FAM13A: variants seen among roughly 807,000 people sequenced by gnomAD.
FAM13A encodes the protein family with sequence similarity 13 member A.
Under a neutral mutation model 129.6 loss-of-function variants are expected in FAM13A, and 76 were observed. That is an observed-to-expected ratio of 0.59 (90% CI 0.49 to 0.71). FAM13A has a LOEUF of 0.71. Ranked by LOEUF, FAM13A falls within the 30% of genes least tolerant of loss-of-function variation. The probability of loss-of-function intolerance (pLI) is 0.00; values close to 1 mark genes in which losing one functional copy is unlikely to be tolerated. For synonymous variants in FAM13A, 443 were observed against 449.9 expected (o/e 0.98, Z 0.20); for missense variants, 1,108 against 1,249.3 (o/e 0.89, Z 1.70).
chr4:89,022,321 C>A (rs1393439209), intron 2 of FAM13A, among the ~76,000 whole-genome samples: 1 of 151,888 alleles, frequency 6.6e-6, no homozygotes, highest in Non-Finnish European at 1.5e-5. Flanking sequence ...AAAAATCAAT[C>A]CTGAGAAAAA....
At chr4:88,909,635 C>T (rs1748728154) in intron 5 of FAM13A, among the ~76,000 whole-genome samples, 1 of 152,030 alleles carries the variant, frequency 6.6e-6, no homozygotes, top group Non-Finnish European at 1.5e-5. Context: ...TACAGGTGTG[C>T]ACCACCATGC....
At chr4:88,790,141 C>T (rs964845622) in intron 9 of FAM13A, among the ~76,000 whole-genome samples, 3 of 152,084 alleles carry the variant, frequency 2.0e-5, no homozygotes, top group South Asian at 4.1e-4. Context: ...GGGCCCAAGG[C>T]GTCCTTGACA....
intron 8 of FAM13A, among the ~76,000 whole-genome samples, chr4:88,791,917 C>T (rs572761255): frequency 6.6e-6 from 1 of 152,106 alleles, no homozygotes; most frequent in Admixed American, 6.6e-5. Flanking sequence ...TACTCATTAT[C>T]CCAGAGGTGA....
intron 5 of FAM13A, 79 bp downstream of exon 5, chr4:88,938,009 A>C (rs777267856): frequency 3.5e-6 from 4 of 1,128,360 alleles, no homozygotes; most frequent in Non-Finnish European, 5.3e-6. Context: ...TCCATATGGA[A>C]TTTTTATGAG....
intron 14 of FAM13A, among the ~76,000 whole-genome samples, chr4:88,754,141 G>A (rs1743173964): frequency 6.6e-6 from 1 of 152,152 alleles, no homozygotes; most frequent in Non-Finnish European, 1.5e-5. Flanking sequence ...TTAGACATGT[G>A]TCTTGTCACA....
chr4:88,862,834 C>T (rs1006605116), intron 6 of FAM13A, among the ~76,000 whole-genome samples: 18 of 151,532 alleles, frequency 1.2e-4, no homozygotes, highest in Admixed American at 1.2e-3. Flanking sequence ...TGGGTAGATC[C>T]ATGAGTTGCT....
At position 88,742,835 on chromosome 4, in the gene FAM13A, T is replaced by C. The variant is rs555365091; in HGVS notation, c.2467-3710A>G. ...GGGCTCTGAATGAGCTACACTGATC[T>C]TCTCTCAGCCTCAGTTTCCTGAATG... On this transcript the variant is annotated intron_variant, in intron 19 of 23. Coordinates refer to ENST00000264344, the MANE Select transcript of FAM13A (RefSeq NM_014883.4). Among the ~76,000 whole-genome samples the C allele has an allele frequency of 1.5e-3, 225 of 152,316 alleles. 3 individuals are homozygous for C. Among genetic ancestry groups the C allele is most frequent in the African/African-American group, 5.1e-3 (212 of 41,570 alleles).
intron 1 of FAM13A, among the ~76,000 whole-genome samples, chr4:89,042,431 C>T (rs939880544): frequency 1.3e-5 from 2 of 152,070 alleles, no homozygotes; most frequent in African/African-American, 4.8e-5. Context: ...CTGAAGCCGT[C>T]TAAAAATCAA....
At chr4:88,822,333 G>A (rs1732139559) in intron 7 of FAM13A, among the ~76,000 whole-genome samples, 1 of 151,568 alleles carries the variant, frequency 6.6e-6, no homozygotes, top group Non-Finnish European at 1.5e-5. Context: ...CTCTGCTTTG[G>A]TATAACTCCT....
intron 11 of FAM13A, among the ~76,000 whole-genome samples, chr4:88,779,696 C>T (rs576728791): frequency 6.6e-6 from 1 of 152,266 alleles, no homozygotes; most frequent in South Asian, 2.1e-4. Flanking sequence ...ATCTTCCATC[C>T]CAGTGTTTTT....
chr4:88,929,567 G>A (rs1172643960), intron 5 of FAM13A, among the ~76,000 whole-genome samples: 1 of 151,864 alleles, frequency 6.6e-6, no homozygotes, highest in Non-Finnish European at 1.5e-5. Context: ...ATGTCTTGAA[G>A]GCTTTGTTCA....
chr4:89,020,207 T>C (rs1767058599), intron 3 of FAM13A, among the ~76,000 whole-genome samples: 1 of 151,666 alleles, frequency 6.6e-6, no homozygotes. Context: ...AGACCACAAA[T>C]ATTTAAAAAC....
intron 5 of FAM13A, among the ~76,000 whole-genome samples, chr4:88,913,750 T>C (rs1307789958): frequency 6.6e-6 from 1 of 152,178 alleles, no homozygotes; most frequent in African/African-American, 2.4e-5. Context: ...CCAAATGATA[T>C]GAAATCATTC....
At chr4:88,895,312 A>G (rs116304262) in intron 6 of FAM13A, among the ~76,000 whole-genome samples, 3,882 of 152,310 alleles carry the variant, frequency 0.025, 75 homozygotes, top group Non-Finnish European at 0.039. Flanking sequence ...AGAAACATAA[A>G]ATGTATGCAT....
intron 6 of FAM13A, among the ~76,000 whole-genome samples, chr4:88,888,047 C>T (rs1157083934): frequency 6.6e-6 from 1 of 152,062 alleles, no homozygotes; most frequent in African/African-American, 2.4e-5. Flanking sequence ...CTAATACTTC[C>T]CTTCATCAAC....
chr4:88,894,662 C>T (rs1299513158), intron 6 of FAM13A, among the ~76,000 whole-genome samples: 1 of 152,166 alleles, frequency 6.6e-6, no homozygotes, highest in Non-Finnish European at 1.5e-5. Flanking sequence ...GCTGAGATTA[C>T]AGGCATGCGC....
chr4:88,898,754 TA>T (rs1032653619), intron 6 of FAM13A, among the ~76,000 whole-genome samples: 4 of 150,876 alleles, frequency 2.7e-5, no homozygotes, highest in Admixed American at 6.6e-5. Context: ...TGGCTAATAA[TA>T]AAAAAAATAA....
chr4:89,027,856 G>A (rs183849572), intron 2 of FAM13A, among the ~76,000 whole-genome samples: 85 of 152,052 alleles, frequency 5.6e-4, no homozygotes, highest in Admixed American at 2.1e-3. Flanking sequence ...GGTCCCAAGC[G>A]GCAGGATGGC....
At chr4:88,791,553 G>A (rs1202072424) in intron 8 of FAM13A, among the ~76,000 whole-genome samples, 5 of 151,990 alleles carry the variant, frequency 3.3e-5, no homozygotes, top group Admixed American at 2.0e-4. Context: ...TAAAAGAAGA[G>A]GTTAAATATT....
Sources: allele counts gnomAD v4.1 joint callset (sites outside exome capture counted in the v4.1 genomes callset), GRCh38; gene constraint gnomAD v4.1.1; transcripts MANE v1.5; gene names NCBI Gene and HGNC (gene_info 2026-07-23, HGNC 2026-07-21).